ZNF248: variants seen among roughly 807,000 people sequenced by gnomAD.
ZNF248 encodes zinc finger protein 248.
Under a neutral mutation model 44.3 loss-of-function variants are expected in ZNF248, and 20 were observed. The ratio of observed to expected loss-of-function variants is 0.45; its 90% CI spans 0.32 to 0.66. ZNF248 has a LOEUF of 0.66. Among genes scored for constraint, ZNF248 ranks in the 30% least tolerant of loss-of-function variants. The probability of loss-of-function intolerance (pLI) is 0.04; values close to 1 mark genes in which losing one functional copy is unlikely to be tolerated. For missense variants in ZNF248, 654 were observed against 677.0 expected, an observed-to-expected ratio of 0.97 and a Z score of 0.38; for synonymous variants, 224 against 229.0, an observed-to-expected ratio of 0.98 and a Z score of 0.20.
intron 3 of ZNF248, among the ~76,000 whole-genome samples, chr10:37,853,857 GT>G (rs796212230): frequency 1.3e-5 from 2 of 152,266 alleles, no homozygotes; most frequent in African/African-American, 4.8e-5. Flanking sequence ...CTTCTTTGGG[GT>G]AAAGGCAAAT....
At chr10:37,802,219 C>T (rs118091216) in intron 6 of ZNF248, among the ~76,000 whole-genome samples, 3,142 of 152,196 alleles carry the variant, frequency 0.021, 56 homozygotes, top group Non-Finnish European at 0.032. Flanking sequence ...GGGATCTGTT[C>T]GTTTCTTGTT....
In ZNF248 at chr10:37,830,350, G is replaced by GA; in HGVS notation, c.*1264dup. On this transcript the variant is annotated 3_prime_UTR_variant, in exon 6 of 6. Coordinates refer to ENST00000395867, the MANE Select transcript of ZNF248 (RefSeq NM_021045.3). Reference sequence around the variant, plus strand: ...GGCCATATTCATGCATATATGCCAGGAAACAGTCAGAGGAAAGGTACGTGA... The same window carrying GA: ...GGCCATATTCATGCATATATGCCAGGAAAACAGTCAGAGGAAAGGTACGTGA... The GA allele has an allele frequency of 1.0e-6, 1 of 985,320 alleles. No homozygotes were observed. The highest frequency in any genetic ancestry group is 1.2e-6 in the Non-Finnish European group (1 of 829,930). 61.0% of individuals were successfully genotyped at this position (985,320 alleles called of 1,614,324 possible). A position where few individuals can be genotyped will look rare whatever the true frequency, so the allele number is the denominator to read the frequency against.
chr10:37,832,676 C>T lies in ZNF248; in HGVS notation c.679G>A (p.Ala227Thr), dbSNP rs1713821712. The T allele has an allele frequency of 1.2e-6, 2 of 1,613,276 alleles. No homozygotes were observed. Among genetic ancestry groups the T allele is most frequent in the Non-Finnish European group, 8.5e-7 (1 of 1,179,868 alleles). ...GATCTCTTATTTGTAAAAAATGCTG[C>T]CTCATCATGGAAGCCTTGTCCATTT... is the stretch of plus-strand genomic sequence containing the variant. ...SKNGQGFHDE[A>T]AFFTNKRSQI... The change falls in exon 6 of 6, where the codon GCA becomes ACA. Residue 227 changes from alanine to threonine, a missense_variant. Transcript: ENST00000395867.
intron 3 of ZNF248, among the ~76,000 whole-genome samples, chr10:37,847,200 T>C (rs1444798601): frequency 1.3e-5 from 2 of 152,050 alleles, no homozygotes; most frequent in Non-Finnish European, 2.9e-5. Flanking sequence ...GCTAACTTTT[T>C]ATTTTTATTT....
intron 6 of ZNF248, among the ~76,000 whole-genome samples, chr10:37,807,501 A>G (rs1944811840): frequency 3.3e-5 from 5 of 152,146 alleles, no homozygotes; most frequent in Admixed American, 3.3e-4. Flanking sequence ...GAACCTGTAG[A>G]TTGCTTTGGG....
intron 3 of ZNF248, among the ~76,000 whole-genome samples, chr10:37,853,161 A>T (rs1323984702): frequency 6.6e-6 from 1 of 152,160 alleles, no homozygotes; most frequent in Non-Finnish European, 1.5e-5. Context: ...GAGAATTTTT[A>T]AAATGACAAG....
chr10:37,856,340 G>A lies in ZNF248; in HGVS notation c.-27-3C>T. On this transcript the variant is annotated splice_region_variant and splice_polypyrimidine_tract_variant and intron_variant, in intron 2 of 5. Transcript: ENST00000395867. ...CGCTCTTAGTGGAGGAAGGAGAGCT[G>A]AAGGATTAGAAAGGAAGAATGTCAG... The A allele has an allele frequency of 6.2e-7, 1 of 1,613,458 alleles. No homozygotes were observed. The highest frequency in any genetic ancestry group is 2.2e-5 in the East Asian group (1 of 44,866).
intron 6 of ZNF248, among the ~76,000 whole-genome samples, chr10:37,804,519 C>T (rs984672454): frequency 1.3e-5 from 2 of 152,108 alleles, no homozygotes; most frequent in African/African-American, 2.4e-5. Context: ...CTGCAACCTC[C>T]GCCTCCCCGG....
chr10:37,780,713 A>C (rs1000087307), intron 6 of ZNF248, among the ~76,000 whole-genome samples: 6 of 152,062 alleles, frequency 3.9e-5, no homozygotes, highest in Admixed American at 1.3e-4. Context: ...ACGCGCGCGC[A>C]CGTGCCCAAA....
the ZNF248 span, among the ~76,000 whole-genome samples, chr10:37,769,425 T>C: frequency 9.9e-5 from 15 of 152,172 alleles, no homozygotes; most frequent in Admixed American, 2.0e-4. Context: ...TTATCCACCA[T>C]GATCAAGTGG....
At chr10:37,823,873 C>T (rs2053914177), downstream of ZNF248, among the ~76,000 whole-genome samples, 1 of 151,754 alleles carries the variant, frequency 6.6e-6, no homozygotes, top group African/African-American at 2.4e-5. Flanking sequence ...CATACCAGGG[C>T]AAAGATGCAT....
intron 6 of ZNF248, chr10:37,820,486 T>G: frequency 6.3e-7 from 1 of 1,598,906 alleles, no homozygotes; most frequent in Non-Finnish European, 8.6e-7. Context: ...CTTGTCACAG[T>G]AAGGGATTGG....
At chr10:37,840,594 A>G (rs550580601) in intron 3 of ZNF248, among the ~76,000 whole-genome samples, 2 of 152,312 alleles carry the variant, frequency 1.3e-5, no homozygotes, top group East Asian at 3.9e-4. Flanking sequence ...CACCTGTGGA[A>G]GACAGTTTGG....
In ZNF248 at chr10:37,831,884, G is replaced by T; in HGVS notation, c.1471C>A (p.Pro491Thr). ...VHQRTHTGEK[P>T]FICNECGKSF... ...TTTCCACATTCATTACATATAAACG[G>T]TTTCTCCCCTGTGTGTGTTCTCTGA... Residue 491 changes from proline (P) to threonine (T), a missense_variant, in exon 6 of 6, where the codon CCG becomes ACG. Pro to Thr is a conservative substitution (Grantham distance 38). Coordinates refer to ENST00000395867, the MANE Select transcript of ZNF248 (RefSeq NM_021045.3). 2 of 1,613,788 alleles carry T rather than the reference G, an allele frequency of 1.2e-6. No individual in the cohort carries two copies. Among genetic ancestry groups the T allele is most frequent in the Non-Finnish European group, 1.7e-6 (2 of 1,179,928 alleles).
intron 6 of ZNF248, among the ~76,000 whole-genome samples, chr10:37,802,575 A>G (rs1229065946): frequency 6.6e-6 from 1 of 152,224 alleles, no homozygotes; most frequent in Non-Finnish European, 1.5e-5. Flanking sequence ...CAAGCAAATT[A>G]CAATACAGAA....
intron 6 of ZNF248, among the ~76,000 whole-genome samples, chr10:37,799,090 C>A (rs546606279): frequency 1.3e-5 from 2 of 151,634 alleles, no homozygotes; most frequent in Non-Finnish European, 2.9e-5. Context: ...GTTTGACCAG[C>A]CAGAAGACAG....
downstream of ZNF248, among the ~76,000 whole-genome samples, chr10:37,828,128 A>G (rs968773771): frequency 2.0e-5 from 3 of 152,216 alleles, no homozygotes; most frequent in Non-Finnish European, 4.4e-5. Flanking sequence ...AAAATATCAA[A>G]GTACATTACA....
chr10:37,837,816 A>G, intron 4 of ZNF248, 104 bp from the exon 5 acceptor site: 2 of 1,360,294 alleles, frequency 1.5e-6, no homozygotes, highest in South Asian at 2.7e-5. Flanking sequence ...CTACTCAAAG[A>G]ATGTGCACAA....
intron 3 of ZNF248, among the ~76,000 whole-genome samples, chr10:37,839,529 GCA>G (rs948847073): frequency 5.4e-5 from 8 of 148,648 alleles, no homozygotes; most frequent in Non-Finnish European, 8.9e-5. Flanking sequence ...ACACACACAT[GCA>G]CACACACATA....
Sources: gnomAD v4.1 joint callset for allele counts (sites outside exome capture counted in the v4.1 genomes callset) on GRCh38, gnomAD v4.1.1 for gene constraint, MANE v1.5 for transcripts, NCBI Gene and HGNC (gene_info 2026-07-23, HGNC 2026-07-21) for gene names.